TGFBR3: variants seen among roughly 807,000 people sequenced by gnomAD.
TGFBR3 encodes transforming growth factor beta receptor 3.
In TGFBR3, 46 loss-of-function variants were observed where a neutral mutation model predicts 87.9. The observed-to-expected ratio is 0.52, with a 90% CI of 0.41 to 0.67. The LOEUF is 0.67. Ranked by LOEUF, TGFBR3 falls within the 30% of genes least tolerant of loss-of-function variation. The pLI, the probability that TGFBR3 is intolerant of heterozygous loss-of-function variation, is 0.00. For synonymous variants in TGFBR3, 381 were observed against 391.6 expected, an observed-to-expected ratio of 0.97 and a Z score of 0.32; for missense variants, 866 against 1,041.9, an observed-to-expected ratio of 0.83 and a Z score of 2.32.
chr1:91,739,029 G>A (rs527311848), intron 4 of TGFBR3, among the ~76,000 whole-genome samples: 3 of 152,320 alleles, frequency 2.0e-5, no homozygotes, highest in Admixed American at 6.5e-5. Flanking sequence ...GAAGACCAAG[G>A]AGGTCAGTGT....
intron 2 of TGFBR3, among the ~76,000 whole-genome samples, chr1:91,811,888 C>CT (rs754451265): frequency 0.052 from 7,319 of 141,432 alleles, 437 homozygotes; most frequent in African/African-American, 0.15. Context: ...GCTGATTTCC[C>CT]TTTTTTTTTT....
At chr1:91,864,984 C>G (rs569685326) in intron 1 of TGFBR3, among the ~76,000 whole-genome samples, 24 of 152,132 alleles carry the variant, frequency 1.6e-4, no homozygotes, top group African/African-American at 5.8e-4. Context: ...GGGCAGAACA[C>G]CTGAGGTCAG....
intron 3 of TGFBR3, among the ~76,000 whole-genome samples, chr1:91,772,867 TTTTCAAAGAAGAAAGTAAGTA>T (rs1674431571): frequency 6.6e-6 from 1 of 152,216 alleles, no homozygotes; most frequent in South Asian, 2.1e-4. Flanking sequence ...TCTCTCATTC[TTTTCAAAGAAGAAAGTAAGTA>T]AATTGTTGGC....
intron 1 of TGFBR3, among the ~76,000 whole-genome samples, chr1:91,872,304 T>C (rs1379146719): frequency 6.6e-6 from 1 of 152,108 alleles, no homozygotes; most frequent in Non-Finnish European, 1.5e-5. Flanking sequence ...GCCCTGAGGA[T>C]TTACGGTATT....
intron 1 of TGFBR3, among the ~76,000 whole-genome samples, chr1:91,900,762 C>CAT (rs1679697042): frequency 6.6e-6 from 1 of 152,200 alleles, no homozygotes; most frequent in Non-Finnish European, 1.5e-5. Context: ...AAAGCTGAAT[C>CAT]ATCATATCAC....
intron 2 of TGFBR3, among the ~76,000 whole-genome samples, chr1:91,827,259 G>A (rs138756954): frequency 6.8e-4 from 103 of 152,286 alleles, no homozygotes; most frequent in African/African-American, 2.2e-3. Flanking sequence ...CCAGCGGGGC[G>A]TGTACAGGCT....
intron 1 of TGFBR3, among the ~76,000 whole-genome samples, chr1:91,871,372 A>G (rs1678577009): frequency 1.3e-5 from 2 of 152,150 alleles, no homozygotes; most frequent in Admixed American, 1.3e-4. Context: ...CATTCACTCA[A>G]CAAACATTTA....
intron 7 of TGFBR3, among the ~76,000 whole-genome samples, chr1:91,723,480 TAAAAAAAAAAAAAAAA>T (rs58578681): frequency 1.9e-4 from 21 of 109,118 alleles, no homozygotes; most frequent in Admixed American, 3.8e-4. Flanking sequence ...GACCCTGCCT[TAAAAAAAAAAAAAAAA>T]AAAAAAAAAA....
chr1:91,819,506 C>A (rs1676371153), intron 2 of TGFBR3, among the ~76,000 whole-genome samples: 1 of 152,190 alleles, frequency 6.6e-6, no homozygotes, highest in African/African-American at 2.4e-5. Flanking sequence ...GAAGCTGAGA[C>A]AATTCATCCA....
chr1:91,871,832 A>G (rs369228829), intron 1 of TGFBR3, among the ~76,000 whole-genome samples: 2 of 152,174 alleles, frequency 1.3e-5, no homozygotes, highest in East Asian at 1.9e-4. Context: ...TTTCTAAGCA[A>G]TATAATTTTG....
chr1:91,839,513 G>A (rs1677189695), intron 2 of TGFBR3, among the ~76,000 whole-genome samples: 1 of 152,120 alleles, frequency 6.6e-6, no homozygotes, highest in Non-Finnish European at 1.5e-5. Flanking sequence ...CTAGCCAAGT[G>A]ACCAAGATTA....
At chr1:91,777,684 G>C (rs1674614363) in intron 3 of TGFBR3, among the ~76,000 whole-genome samples, 1 of 147,592 alleles carries the variant, frequency 6.8e-6, no homozygotes, top group Non-Finnish European at 1.5e-5. Context: ...AGCTGTAGTT[G>C]ATTACATCTA....
At chr1:91,785,404 T>TTAGA (rs1674920440) in intron 3 of TGFBR3, among the ~76,000 whole-genome samples, 1 of 152,208 alleles carries the variant, frequency 6.6e-6, no homozygotes, top group African/African-American at 2.4e-5. Context: ...TGTTGTAAAA[T>TTAGA]TAGATTATGG....
chr1:91,826,910 A>G (rs923953785), intron 2 of TGFBR3, among the ~76,000 whole-genome samples: 16 of 152,278 alleles, frequency 1.1e-4, no homozygotes, highest in African/African-American at 3.4e-4. Context: ...CAAGAACGGA[A>G]AAGCGATGAA....
At chr1:91,846,932 G>C (rs1229319020) in intron 2 of TGFBR3, among the ~76,000 whole-genome samples, 3 of 151,946 alleles carry the variant, frequency 2.0e-5, no homozygotes, top group Non-Finnish European at 4.4e-5. Context: ...AGCTAGCAGG[G>C]GGGCAAAAAG....
intron 15 of TGFBR3, 149 bp downstream of exon 15, chr1:91,697,940 G>A: frequency 1.3e-6 from 1 of 748,472 alleles, no homozygotes; most frequent in Middle Eastern, 2.3e-4. Flanking sequence ...GAAAAAATAT[G>A]AGCAAAAAGG....
chr1:91,870,799 C>T (rs1678554409), intron 1 of TGFBR3, among the ~76,000 whole-genome samples: 1 of 152,130 alleles, frequency 6.6e-6, no homozygotes, highest in East Asian at 1.9e-4. Context: ...GAGTTCATGA[C>T]CAGCCTGGGA....
At chr1:91,738,956 AACATCAGGGCAAGGAGC>A (rs1673054219) in intron 4 of TGFBR3, among the ~76,000 whole-genome samples, 1 of 152,186 alleles carries the variant, frequency 6.6e-6, no homozygotes, top group Non-Finnish European at 1.5e-5. Flanking sequence ...AAACCACACA[AACATCAGGGCAAGGAGC>A]ATTCACAGTT....
intron 5 of TGFBR3, among the ~76,000 whole-genome samples, chr1:91,733,838 C>T (rs1672858388): frequency 6.6e-6 from 1 of 152,098 alleles, no homozygotes; most frequent in South Asian, 2.1e-4. Context: ...AGTTCAAAAC[C>T]AGCCTGGGCA....
Sources: allele counts gnomAD v4.1 joint callset (sites outside exome capture counted in the v4.1 genomes callset), GRCh38; gene constraint gnomAD v4.1.1; transcripts MANE v1.5; gene names NCBI Gene and HGNC (gene_info 2026-07-23, HGNC 2026-07-21).